The following ZNF385D variants were observed in gnomAD, a reference collection of about 807,000 sequenced individuals.
The protein encoded by ZNF385D is zinc finger protein 385D.
Under a neutral mutation model 35.8 loss-of-function variants are expected in ZNF385D, and 15 were observed. That is an observed-to-expected ratio of 0.42 (90% CI 0.28 to 0.64). The LOEUF (loss-of-function observed/expected upper bound fraction) is 0.64. Ranked by LOEUF, ZNF385D falls within the 30% of genes least tolerant of loss-of-function variation. The pLI is 0.23. For missense variants in ZNF385D, 474 were observed against 494.6 expected (o/e 0.96, Z 0.39); for synonymous variants, 212 against 186.8 (o/e 1.13, Z -1.10).
At chr3:22,325,562 G>A (rs369891580) in intron 2 of ZNF385D, among the ~76,000 whole-genome samples, 3 of 152,032 alleles carry the variant, frequency 2.0e-5, no homozygotes, top group East Asian at 3.9e-4. Context: ...CCAGGAGTTC[G>A]AGACCAGCCT....
intron 3 of ZNF385D, among the ~76,000 whole-genome samples, chr3:22,076,739 C>T (rs1208623398): frequency 1.3e-5 from 2 of 151,908 alleles, no homozygotes; most frequent in African/African-American, 4.8e-5. Context: ...TAGGATTGTG[C>T]ACCAATTACT....
intron 2 of ZNF385D, among the ~76,000 whole-genome samples, chr3:21,647,853 A>G (rs1014420190): frequency 6.6e-6 from 1 of 152,208 alleles, no homozygotes; most frequent in African/African-American, 2.4e-5. Flanking sequence ...GCAGAATAAA[A>G]TAATCATTGA....
intron 2 of ZNF385D, among the ~76,000 whole-genome samples, chr3:21,566,291 T>G (rs1447161385): frequency 6.6e-6 from 1 of 152,154 alleles, no homozygotes; most frequent in Admixed American, 6.6e-5. Context: ...TGGATGAAGC[T>G]CAGCCTCTCC....
At chr3:22,023,247 G>C (rs893841532) in intron 3 of ZNF385D, among the ~76,000 whole-genome samples, 1 of 152,268 alleles carries the variant, frequency 6.6e-6, no homozygotes, top group Admixed American at 6.5e-5. Context: ...AAGCAGAGTG[G>C]CAACTGAGTC....
chr3:22,040,338 G>T (rs557139071), intron 3 of ZNF385D, among the ~76,000 whole-genome samples: 5 of 152,170 alleles, frequency 3.3e-5, no homozygotes, highest in South Asian at 4.1e-4. Flanking sequence ...TTTAAGGAAG[G>T]TTTGGTTATT....
intron 2 of ZNF385D, among the ~76,000 whole-genome samples, chr3:22,195,242 T>C (rs192288134): frequency 6.6e-6 from 1 of 152,110 alleles, no homozygotes; most frequent in Admixed American, 6.6e-5. Context: ...AACACTTTTT[T>C]TCTTAACTCC....
chr3:21,983,020 A>G (rs966163729), intron 3 of ZNF385D, among the ~76,000 whole-genome samples: 4 of 151,842 alleles, frequency 2.6e-5, no homozygotes, highest in Admixed American at 6.6e-5. Context: ...TTTTACATTG[A>G]TGTTTATCAA....
chr3:22,000,434 C>T (rs371540800), intron 3 of ZNF385D, among the ~76,000 whole-genome samples: 209 of 152,234 alleles, frequency 1.4e-3, no homozygotes, highest in Non-Finnish European at 2.5e-3. Flanking sequence ...CAGGAAGTTA[C>T]CCTATATGGT....
At chr3:21,969,673 T>G (rs2125337339) in intron 3 of ZNF385D, among the ~76,000 whole-genome samples, 1 of 152,286 alleles carries the variant, frequency 6.6e-6, no homozygotes, top group East Asian at 1.9e-4. Context: ...ATTCACCATC[T>G]GCTTATTGTA....
intron 2 of ZNF385D, among the ~76,000 whole-genome samples, chr3:21,654,301 T>C (rs918959338): frequency 3.3e-5 from 5 of 152,124 alleles, no homozygotes; most frequent in Admixed American, 6.6e-5. Context: ...AAACTCAAGA[T>C]AAAATGTGGA....
At chr3:22,125,280 G>T (rs991915861) in intron 3 of ZNF385D, among the ~76,000 whole-genome samples, 1 of 152,082 alleles carries the variant, frequency 6.6e-6, no homozygotes, top group Admixed American at 6.6e-5. Context: ...GTATGCATCT[G>T]TTTTTAAGTC....
intron 2 of ZNF385D, among the ~76,000 whole-genome samples, chr3:22,247,582 C>T (rs1474429354): frequency 6.6e-6 from 1 of 151,428 alleles, no homozygotes; most frequent in African/African-American, 2.4e-5. Flanking sequence ...CAATATTTAA[C>T]AGATTGCTAT....
At chr3:21,856,776 AC>A (rs1296314021) in intron 3 of ZNF385D, among the ~76,000 whole-genome samples, 1 of 152,098 alleles carries the variant, frequency 6.6e-6, no homozygotes, top group Non-Finnish European at 1.5e-5. Context: ...GTGAGGAACA[AC>A]CAGCTCATAG....
At chr3:22,222,877 A>T (rs898699463) in intron 2 of ZNF385D, among the ~76,000 whole-genome samples, 7 of 152,134 alleles carry the variant, frequency 4.6e-5, no homozygotes, top group African/African-American at 1.7e-4. Flanking sequence ...AAAATCTTGA[A>T]ACTCGAAAGG....
intron 3 of ZNF385D, among the ~76,000 whole-genome samples, chr3:21,780,977 T>C (rs1448494647): frequency 6.6e-6 from 1 of 152,044 alleles, no homozygotes; most frequent in African/African-American, 2.4e-5. Flanking sequence ...AGAGCTGACA[T>C]AGCAACTACT....
chr3:22,366,063 C>T (rs1364064610), intron 2 of ZNF385D, among the ~76,000 whole-genome samples: 5 of 151,658 alleles, frequency 3.3e-5, no homozygotes, highest in African/African-American at 9.7e-5. Context: ...TAAGCTTGTC[C>T]TTATTCTTTA....
exon 2 of ZNF385D, chr3:22,372,469 C>T: frequency 1.0e-6 from 1 of 985,956 alleles, no homozygotes; most frequent in Non-Finnish European, 1.2e-6. Flanking sequence ...GCTGAGCTTT[C>T]GGCGCCCCCA....
intron 3 of ZNF385D, chr3:21,511,734 A>T (rs776030503): frequency 6.6e-6 from 3 of 456,532 alleles, no homozygotes; most frequent in South Asian, 4.6e-5. Flanking sequence ...AATGGGGCCA[A>T]TCCAGTTCTT....
chr3:22,061,081 G>A (rs1358589157), intron 3 of ZNF385D, among the ~76,000 whole-genome samples: 1 of 151,890 alleles, frequency 6.6e-6, no homozygotes, highest in Non-Finnish European at 1.5e-5. Context: ...ACTAGAGCTC[G>A]GGTAACAGGG....
Sources: allele counts gnomAD v4.1 joint callset (sites outside exome capture counted in the v4.1 genomes callset), GRCh38; gene constraint gnomAD v4.1.1; transcripts MANE v1.5; gene names NCBI Gene and HGNC (gene_info 2026-07-23, HGNC 2026-07-21).